C12orf75: variants seen among roughly 807,000 people sequenced by gnomAD.
The protein encoded by C12orf75 is overexpressed in colon carcinoma 1 protein.
C12orf75 carries 4 observed loss-of-function variants against 11.4 expected under a neutral mutation model. The ratio of observed to expected loss-of-function variants is 0.35; its 90% CI spans 0.17 to 0.80. The LOEUF (loss-of-function observed/expected upper bound fraction) is 0.80, where lower values mean the gene tolerates loss of function less well. Ranked by LOEUF, C12orf75 falls within the 30% of genes least tolerant of loss-of-function variation. C12orf75 has a pLI of 0.52. For synonymous variants in C12orf75, 30 were observed against 30.0 expected, an observed-to-expected ratio of 1.00 and a Z score of 0.00; for missense variants, 89 against 80.4, an observed-to-expected ratio of 1.11 and a Z score of -0.41.
rs535802009 is a variant in C12orf75 at position 105,340,255 on chromosome 12, C to G, written c.47-8347C>G. 1.3e-3 allele frequency among the ~76,000 whole-genome samples: 200 copies of G among 151,824 alleles called. 1 individual carries two copies. Among genetic ancestry groups the G allele is most frequent in the African/African-American group, 4.6e-3 (189 of 41,444 alleles). On this transcript the variant is annotated intron_variant, in intron 1 of 5. Transcript: ENST00000443585. ...CCTTGCTAACACAGTGAAACCCCATCTCTACTAAAAATACAAAAAATTAGC... is the reference window on the plus strand; with the variant it reads ...CCTTGCTAACACAGTGAAACCCCATGTCTACTAAAAATACAAAAAATTAGC...
intron 2 of C12orf75, among the ~76,000 whole-genome samples, chr12:105,362,491 C>T (rs1022453279): frequency 5.4e-5 from 8 of 147,850 alleles, no homozygotes; most frequent in South Asian, 2.1e-4. Context: ...CATGGTGAAA[C>T]CTCCTGTCTA....
intron 2 of C12orf75, among the ~76,000 whole-genome samples, chr12:105,359,645 C>T (rs1056282639): frequency 1.1e-4 from 16 of 151,776 alleles, no homozygotes; most frequent in African/African-American, 3.9e-4. Flanking sequence ...GTGGTGTGTG[C>T]CTATAGTCCC....
At chr12:105,359,054 G>T (rs756267585) in intron 2 of C12orf75, among the ~76,000 whole-genome samples, 1 of 152,110 alleles carries the variant, frequency 6.6e-6, no homozygotes, top group African/African-American at 2.4e-5. Context: ...GATGTGCCAC[G>T]TACTTATTTC....
chr12:105,337,315 C>G (rs1255474338), intron 1 of C12orf75, among the ~76,000 whole-genome samples: 1 of 151,906 alleles, frequency 6.6e-6, no homozygotes, highest in Non-Finnish European at 1.5e-5. Flanking sequence ...TCTTAAAAAA[C>G]AAACAAACAA....
chr12:105,337,343 C>T (rs1473570104), intron 1 of C12orf75, among the ~76,000 whole-genome samples: 1 of 152,062 alleles, frequency 6.6e-6, no homozygotes, highest in African/African-American at 2.4e-5. Flanking sequence ...CCAATGAGAA[C>T]AGCAGTTTTT....
intron 1 of C12orf75, among the ~76,000 whole-genome samples, chr12:105,341,803 C>CA (rs1370458769): frequency 6.6e-6 from 1 of 152,212 alleles, no homozygotes; most frequent in East Asian, 1.9e-4. Context: ...GTAATCCCCA[C>CA]ATGTCAAGGG....
At chr12:105,359,613 A>G (rs1892832557) in intron 2 of C12orf75, among the ~76,000 whole-genome samples, 1 of 152,034 alleles carries the variant, frequency 6.6e-6, no homozygotes, top group Admixed American at 6.5e-5. Flanking sequence ...TGTACTAAAA[A>G]TACAAAAATT....
At position 105,370,756 on chromosome 12, in the gene C12orf75, A is replaced by G. The variant is rs184277725; in HGVS notation, c.*156A>G. The stretch of plus-strand genomic sequence containing the variant: ...ATTCCCCCAAATCTTAAGTGTATAC[A>G]TAAAACCCTGGGTACATATTGTTGT... On this transcript the variant is annotated 3_prime_UTR_variant, in exon 6 of 6. Transcript: ENST00000443585. 5.5e-5 allele frequency: 25 copies of G among 457,490 alleles called. No individual in the cohort carries two copies. Among genetic ancestry groups the G allele is most frequent in the Admixed American group, 5.2e-4 (22 of 42,570 alleles). The allele number at this position is 457,490 out of a possible 1,614,324, so 28.3% of individuals were successfully genotyped here. A position where few individuals can be genotyped will look rare whatever the true frequency, so the allele number is the denominator to read the frequency against.
intron 1 of C12orf75, among the ~76,000 whole-genome samples, chr12:105,341,910 G>T (rs1032754892): frequency 6.6e-6 from 1 of 152,200 alleles, no homozygotes; most frequent in African/African-American, 2.4e-5. Context: ...TTTATAAATG[G>T]GAGTTCCCCT....
intron 1 of C12orf75, among the ~76,000 whole-genome samples, chr12:105,346,759 ATTGT>A (rs1892646260): frequency 6.6e-6 from 1 of 152,218 alleles, no homozygotes; most frequent in African/African-American, 2.4e-5. Context: ...AATGAATATC[ATTGT>A]TTGATTGTTC....
chr12:105,343,752 G>A (rs1892602440), intron 1 of C12orf75, among the ~76,000 whole-genome samples: 1 of 151,640 alleles, frequency 6.6e-6, no homozygotes, highest in African/African-American at 2.4e-5. Context: ...TGTGTGTTAG[G>A]GAGTCATATT....
At chr12:105,368,686 C>G (rs1871551058) in intron 5 of C12orf75, among the ~76,000 whole-genome samples, 1 of 152,126 alleles carries the variant, frequency 6.6e-6, no homozygotes, top group Non-Finnish European at 1.5e-5. Context: ...GGTGGGATTA[C>G]AGACTAATTT....
chr12:105,349,913 C>G (rs559829702), intron 2 of C12orf75, among the ~76,000 whole-genome samples: 1 of 152,156 alleles, frequency 6.6e-6, no homozygotes, highest in African/African-American at 2.4e-5. Context: ...TTTCTTATTT[C>G]TTATTACAAA....
intron 2 of C12orf75, chr12:105,353,570 A>G (rs1028394694): frequency 6.6e-5 from 10 of 152,346 alleles, no homozygotes; most frequent in African/African-American, 1.7e-4. Context: ...CCGTTACCAA[A>G]AAAAAGGGGA....
At chr12:105,352,435 A>G (rs1188242999) in intron 2 of C12orf75, among the ~76,000 whole-genome samples, 2 of 152,208 alleles carry the variant, frequency 1.3e-5, no homozygotes, top group African/African-American at 2.4e-5. Context: ...GAAAAAGAAT[A>G]CCAAGGAAAT....
chr12:105,331,064 A>G (rs905282445), intron 1 of C12orf75, 127 bp downstream of exon 1: 1 of 573,224 alleles, frequency 1.7e-6, no homozygotes, highest in Non-Finnish European at 2.6e-6. Flanking sequence ...GGACAGGAGC[A>G]GACCGCCCGT....
intron 1 of C12orf75, among the ~76,000 whole-genome samples, chr12:105,341,183 T>C (rs184558134): frequency 5.3e-5 from 8 of 152,356 alleles, no homozygotes; most frequent in Admixed American, 4.6e-4. Flanking sequence ...TTTGCTTAAA[T>C]AAACACAGCA....
intron 2 of C12orf75, among the ~76,000 whole-genome samples, chr12:105,351,047 A>G (rs566233115): frequency 1.5e-4 from 23 of 152,344 alleles, no homozygotes; most frequent in Non-Finnish European, 3.1e-4. Context: ...ATTTACCTGG[A>G]AAAAGTTAAA....
At chr12:105,338,552 A>G (rs2136140942) in intron 1 of C12orf75, among the ~76,000 whole-genome samples, 1 of 152,250 alleles carries the variant, frequency 6.6e-6, no homozygotes, top group East Asian at 1.9e-4. Context: ...AATACCTGAG[A>G]CGGGGTAATT....
Sources: gnomAD v4.1 joint callset for allele counts (sites outside exome capture counted in the v4.1 genomes callset) on GRCh38, gnomAD v4.1.1 for gene constraint, MANE v1.5 for transcripts, NCBI Gene and HGNC (gene_info 2026-07-23, HGNC 2026-07-21) for gene names.